The following TMEM135 variants were observed in gnomAD, a reference collection of about 807,000 sequenced individuals.
TMEM135 encodes the protein peroxisomal membrane protein 52.
A neutral mutation model predicts 60.3 loss-of-function variants in TMEM135; 30 were observed. The observed-to-expected ratio is 0.50, with a 90% confidence interval of 0.37 to 0.68. The LOEUF (loss-of-function observed/expected upper bound fraction) is 0.68, where lower values mean the gene tolerates loss of function less well. TMEM135 is among the 30% of genes least tolerant of loss of function. The pLI is 0.00. For synonymous variants in TMEM135, 190 were observed against 186.7 expected, an observed-to-expected ratio of 1.02 and a Z score of -0.14; for missense variants, 468 against 548.8, an observed-to-expected ratio of 0.85 and a Z score of 1.47.
At chr11:87,127,731 A>C (rs1937776720) in intron 4 of TMEM135, among the ~76,000 whole-genome samples, 1 of 152,218 alleles carries the variant, frequency 6.6e-6, no homozygotes, top group Non-Finnish European at 1.5e-5. Flanking sequence ...GTGGTGAAGT[A>C]GGCACATTTT....
At chr11:87,194,869 C>T (rs1386308894) in intron 5 of TMEM135, among the ~76,000 whole-genome samples, 14 of 152,100 alleles carry the variant, frequency 9.2e-5, no homozygotes, top group Admixed American at 9.2e-4. Flanking sequence ...GATACTGTGT[C>T]ATGAGGTTAT....
At chr11:87,133,792 A>G (rs1938006432) in intron 4 of TMEM135, among the ~76,000 whole-genome samples, 1 of 117,324 alleles carries the variant, frequency 8.5e-6, no homozygotes, top group Non-Finnish European at 1.9e-5. Context: ...CATACAGTAC[A>G]TACTCTCTTT....
chr11:87,043,726 C>T (rs778448857), intron 1 of TMEM135, among the ~76,000 whole-genome samples: 7 of 137,216 alleles, frequency 5.1e-5, no homozygotes, highest in Non-Finnish European at 1.0e-4. Context: ...TGTCTCAAAA[C>T]AAACAAACAA....
At chr11:87,246,359 T>G in intron 6 of TMEM135, among the ~76,000 whole-genome samples, 1 of 151,158 alleles carries the variant, frequency 6.6e-6, no homozygotes, top group South Asian at 2.1e-4. Flanking sequence ...GGAGTATCTT[T>G]GTGGCATTCT....
intron 4 of TMEM135, among the ~76,000 whole-genome samples, chr11:87,131,914 T>C (rs571140247): frequency 6.6e-6 from 1 of 152,178 alleles, no homozygotes; most frequent in East Asian, 1.9e-4. Flanking sequence ...GTGACAGCGT[T>C]AGGTTCTCAT....
intron 5 of TMEM135, among the ~76,000 whole-genome samples, chr11:87,159,617 A>ACACACGCACACACCCC (rs140303858): frequency 6.7e-6 from 1 of 149,344 alleles, no homozygotes; most frequent in East Asian, 2.0e-4. Context: ...ACACACACAC[A>ACACACGCACACACCCC]CCATAGATTT....
chr11:87,246,843 C>T lies in TMEM135; in HGVS notation c.509+10159C>T, dbSNP rs1467184903. Among the ~76,000 whole-genome samples the T allele has an allele frequency of 1.3e-4, 15 of 115,798 alleles. 2 individuals carry two copies. Among genetic ancestry groups the T allele is most frequent in the African/African-American group, 5.0e-4 (15 of 30,240 alleles). 76.0% of individuals were successfully genotyped at this position (115,798 alleles called of 152,430 possible). Reference sequence around the variant, plus strand: ...TAGTTTGATTGTCTGAAGGCTTCTTCTCTCAACTCGTCAAAGTCATTCTCC... The same window carrying T: ...TAGTTTGATTGTCTGAAGGCTTCTTTTCTCAACTCGTCAAAGTCATTCTCC... On this transcript the variant is annotated intron_variant, in intron 6 of 14. Transcript: ENST00000305494.
At chr11:87,088,886 A>G (rs2135165360) in intron 3 of TMEM135, among the ~76,000 whole-genome samples, 1 of 152,354 alleles carries the variant, frequency 6.6e-6, no homozygotes, top group East Asian at 1.9e-4. Flanking sequence ...TTACAATAAC[A>G]ACATAATAAC....
At chr11:87,290,019 CT>C (rs1942238225) in intron 6 of TMEM135, among the ~76,000 whole-genome samples, 3 of 145,854 alleles carry the variant, frequency 2.1e-5, no homozygotes, top group Non-Finnish European at 4.7e-5. Flanking sequence ...TTAATCCCCC[CT>C]AGGATGTATA....
chr11:87,316,881 T>C (rs994445990), intron 12 of TMEM135, among the ~76,000 whole-genome samples: 3 of 144,470 alleles, frequency 2.1e-5, no homozygotes, highest in African/African-American at 7.8e-5. Flanking sequence ...GATGCAGACT[T>C]TTTTTTTTTT....
intron 1 of TMEM135, among the ~76,000 whole-genome samples, chr11:87,057,442 A>G (rs1028329401): frequency 4.6e-5 from 7 of 152,124 alleles, no homozygotes; most frequent in African/African-American, 1.7e-4. Flanking sequence ...TAATAAGCTG[A>G]TTCTTGTATC....
At chr11:87,281,443 T>C (rs908611245) in intron 6 of TMEM135, among the ~76,000 whole-genome samples, 3 of 152,220 alleles carry the variant, frequency 2.0e-5, no homozygotes, top group Non-Finnish European at 4.4e-5. Flanking sequence ...TTGTAGACTA[T>C]CCTATTTCTG....
intron 10 of TMEM135, among the ~76,000 whole-genome samples, chr11:87,310,241 A>C: frequency 6.6e-6 from 1 of 152,172 alleles, no homozygotes; most frequent in East Asian, 1.9e-4. Flanking sequence ...AAAAGTGTCC[A>C]TACATATATA....
At chr11:87,282,257 ATT>A (rs67470297) in intron 6 of TMEM135, among the ~76,000 whole-genome samples, 2 of 148,520 alleles carry the variant, frequency 1.3e-5, no homozygotes, top group South Asian at 2.1e-4. Flanking sequence ...ACATTGGTTC[ATT>A]TTTTTTTTTG....
Position 87,314,535 on chromosome 11 carries a change from C to A in TMEM135, c.1065C>A (p.Ser355=). The change falls in exon 12 of 15, where the codon TCC becomes TCA. Residue 355 remains serine (S), a synonymous_variant. Transcript: ENST00000305494. ...KSTTISMYLA[S]KLVETMYFKG... ...CAACAATTTCCATGTATTTAGCGTC[C>A]AAATTGGTAGAGGTAAGCGAAATTT... 1.2e-6 allele frequency: 2 copies of A among 1,610,504 alleles called. No homozygotes were observed. The highest frequency in any genetic ancestry group is 1.1e-5 in the South Asian group (1 of 90,980).
chr11:87,322,761 G>A lies in TMEM135; in HGVS notation c.*1428G>A. 1 of 454,076 alleles carries A rather than the reference G, an allele frequency of 2.2e-6. No individual in the cohort carries two copies. Among genetic ancestry groups the A allele is most frequent in the South Asian group, 1.6e-5 (1 of 64,464 alleles). The allele number at this position is 454,076 out of a possible 1,614,324, so 28.1% of individuals were successfully genotyped here. On this transcript the variant is annotated 3_prime_UTR_variant, in exon 15 of 15. Coordinates refer to ENST00000305494, the MANE Select transcript of TMEM135 (RefSeq NM_022918.4). ...CTGCTTAAATGTAATTCAATCCTTG[G>A]TTGTTATGGCAAACAGAAACCCAAC...
At chr11:87,316,382 A>G (rs1446238402) in intron 12 of TMEM135, among the ~76,000 whole-genome samples, 4 of 151,738 alleles carry the variant, frequency 2.6e-5, no homozygotes, top group African/African-American at 9.7e-5. Context: ...ACCATCATGT[A>G]GGATTTTAAA....
intron 5 of TMEM135, among the ~76,000 whole-genome samples, chr11:87,204,709 T>C (rs1326236427): frequency 6.6e-6 from 1 of 152,176 alleles, no homozygotes; most frequent in African/African-American, 2.4e-5. Context: ...TGGATCATCA[T>C]AAAGATCTTT....
chr11:87,185,065 C>T (rs1565478126), intron 5 of TMEM135, among the ~76,000 whole-genome samples: 1 of 152,174 alleles, frequency 6.6e-6, no homozygotes, highest in Non-Finnish European at 1.5e-5. Context: ...TCCCTAACCA[C>T]TACTACCTTC....
Sources: allele counts gnomAD v4.1 joint callset (sites outside exome capture counted in the v4.1 genomes callset), GRCh38; gene constraint gnomAD v4.1.1; transcripts MANE v1.5; gene names NCBI Gene and HGNC (gene_info 2026-07-23, HGNC 2026-07-21).